CFAP74: variants seen among roughly 807,000 people sequenced by gnomAD.
The protein encoded by CFAP74 is cilia- and flagella-associated protein 74.
Under a neutral mutation model 188.9 loss-of-function variants are expected in CFAP74, and 124 were observed. The observed-to-expected ratio is 0.66, with a 90% CI of 0.57 to 0.76. The LOEUF is 0.76. Ranked by LOEUF, CFAP74 falls within the 30% of genes least tolerant of loss-of-function variation. The pLI is 0.00. For missense variants in CFAP74, 2,198 were observed against 2,165.2 expected, an observed-to-expected ratio of 1.02 and a Z score of -0.30; for synonymous variants, 956 against 916.7, an observed-to-expected ratio of 1.04 and a Z score of -0.77.
chr1:1,926,102 G>A (rs1257528285), intron 32 of CFAP74, 126 bp downstream of exon 32: 2 of 1,416,668 alleles, frequency 1.4e-6, no homozygotes, highest in East Asian at 5.0e-5. Flanking sequence ...TGGGGGCCAG[G>A]CTGCTCGCAG....
Position 1,946,308 on chromosome 1 carries a change from A to C in CFAP74, c.2364+9T>G. On this transcript the variant is annotated intron_variant, in intron 20 of 38. Coordinates refer to ENST00000682832, the MANE Select transcript of CFAP74 (RefSeq NM_001304360.2). ...GGTGTGTGCGTGGCGTGGCAGCAGG[A>C]ATACTCACCGTGGGGCACTGGGGGT... 1 of 1,533,258 alleles carries C rather than the reference A, an allele frequency of 6.5e-7. No individual in the cohort carries two copies. Among genetic ancestry groups the C allele is most frequent in the East Asian group, 2.4e-5 (1 of 40,850 alleles). The allele number at this position is 1,533,258 out of a possible 1,614,324, so 95.0% of individuals were successfully genotyped here. A position where few individuals can be genotyped will look rare whatever the true frequency, so the allele number is the denominator to read the frequency against.
chr1:1,946,213 C>T, intron 20 of CFAP74, 104 bp downstream of exon 20: 6 of 1,386,660 alleles, frequency 4.3e-6, no homozygotes, highest in Non-Finnish European at 5.7e-6. Context: ...ACTGGCCATC[C>T]CTGCGTGGGC....
Position 1,922,053 on chromosome 1 carries a change from TG to T in CFAP74, c.*233del. 1 of 538,710 alleles carries T rather than the reference TG, an allele frequency of 1.9e-6. No homozygotes were observed. The allele number at this position is 538,710 out of a possible 1,614,324, so 33.4% of individuals were successfully genotyped here. On this transcript the variant is annotated 3_prime_UTR_variant, in exon 39 of 39. Transcript: ENST00000682832. The stretch of plus-strand genomic sequence containing the variant: ...TGGCTAGGATGGCTGAGGGCTGGCC[TG>T]GCCTTCTCGCTGCTTCTGAGTCTGG...
chr1:1,968,690 T>C lies in CFAP74; in HGVS notation c.1190A>G (p.Asn397Ser). 6.2e-7 allele frequency: 1 copy of C among 1,614,108 alleles called. No individual in the cohort carries two copies. Among genetic ancestry groups the C allele is most frequent in the Non-Finnish European group, 8.5e-7 (1 of 1,179,992 alleles). Residue 397 changes from asparagine to serine, a missense_variant, in exon 11 of 39, where the codon AAC becomes AGC. Coordinates refer to ENST00000682832, the MANE Select transcript of CFAP74 (RefSeq NM_001304360.2). This position sits in a 1 kb window ranked among gnomAD's most constrained non-coding sequence, Gnocchi z 4.3. Reference protein sequence around the residue: ...HRLTLRDKTWNYISDFCKKTT... With the variant: ...HRLTLRDKTWSYISDFCKKTT... ...CTTCTTGCAAAAGTCAGAAATGTAG[T>C]TCCAGGTCTTGTCCCTCAGGGTCAG...
intron 18 of CFAP74, among the ~76,000 whole-genome samples, chr1:1,948,075 A>T (rs975681019): frequency 6.6e-6 from 1 of 151,818 alleles, no homozygotes; most frequent in African/African-American, 2.4e-5. Context: ...GTTTCACCAT[A>T]TCGGCCAGAC....
intron 16 of CFAP74, 131 bp downstream of exon 16, chr1:1,958,989 C>G (rs1297356674): frequency 1.7e-5 from 11 of 649,192 alleles, no homozygotes; most frequent in Non-Finnish European, 2.7e-5. Flanking sequence ...GGGCTCAGCC[C>G]CTGGTGAAGA....
chr1:1,935,065 G>A (rs1348219153), intron 25 of CFAP74, among the ~76,000 whole-genome samples: 4 of 84,606 alleles, frequency 4.7e-5, no homozygotes. Context: ...GGGTACACAC[G>A]TGTGTACGTG....
At chr1:1,939,534 C>T in intron 24 of CFAP74, 60 bp downstream of exon 24, 1 of 1,475,244 alleles carries the variant, frequency 6.8e-7, no homozygotes, top group South Asian at 1.2e-5. Flanking sequence ...GCCGCTGCAT[C>T]CTGTCCCCAG....
intron 6 of CFAP74, among the ~76,000 whole-genome samples, chr1:1,981,289 C>T (rs1226049537): frequency 6.6e-6 from 1 of 152,206 alleles, no homozygotes; most frequent in Non-Finnish European, 1.5e-5. Context: ...AAAGGAGTCA[C>T]CACATTGGCC....
rs568569740 is a variant in CFAP74, at chr1:1,985,416, G to A, written c.470C>T (p.Ser157Leu). ...CTCCTTCAGCACGGCCTCAGTCCTCGACTGCAGGTCTCTCTCGTTCTCCAG... is the reference window on the plus strand; with the variant it reads ...CTCCTTCAGCACGGCCTCAGTCCTCAACTGCAGGTCTCTCTCGTTCTCCAG... ...AELENERDLQ[S>L]RTEAVLKESE... Residue 157 changes from serine (S) to leucine (L), a missense_variant, in exon 6 of 39, where the codon TCG (serine) becomes TTG (leucine). Ser to Leu is a moderately radical substitution (Grantham distance 145). Transcript: ENST00000682832. 5 of 1,614,068 alleles carry A rather than the reference G, an allele frequency of 3.1e-6. No homozygotes were observed. Among genetic ancestry groups the A allele is most frequent in the East Asian group, 2.2e-5 (1 of 44,884 alleles).
intron 1 of CFAP74, among the ~76,000 whole-genome samples, chr1:1,991,835 C>A (rs6662056): frequency 6.6e-5 from 10 of 151,658 alleles, no homozygotes; most frequent in South Asian, 2.1e-4. Flanking sequence ...GTCAGGAGAT[C>A]GAGACTATCC....
chr1:1,971,946 A>C, intron 9 of CFAP74, 34 bp downstream of exon 9: 1 of 1,539,536 alleles, frequency 6.5e-7, no homozygotes, highest in Non-Finnish European at 8.9e-7. Flanking sequence ...GCAGGGCGCC[A>C]AGGGAGAGGC....
chr1:1,972,235 C>A (rs1656137009), intron 8 of CFAP74, among the ~76,000 whole-genome samples, 153 bp from the exon 9 acceptor site: 1 of 152,234 alleles, frequency 6.6e-6, no homozygotes, highest in East Asian at 1.9e-4. Context: ...CATGCACCAC[C>A]ACAAACGGCC....
chr1:1,998,171 C>G (rs904879268), intron 1 of CFAP74, among the ~76,000 whole-genome samples: 1 of 151,754 alleles, frequency 6.6e-6, no homozygotes, highest in Non-Finnish European at 1.5e-5. Flanking sequence ...CCAGCTACTT[C>G]GGAGGCTGAG....
intron 25 of CFAP74, among the ~76,000 whole-genome samples, chr1:1,935,867 T>TACACACACACACACACACACACAC (rs35582265): frequency 6.5e-4 from 96 of 147,880 alleles, no homozygotes; most frequent in African/African-American, 2.3e-3. Flanking sequence ...TTTTCAGCAC[T>TACACACACACACACACACACACAC]ACACACACAC....
intron 18 of CFAP74, chr1:1,955,226 G>C (rs980530527): frequency 7.8e-7 from 1 of 1,289,860 alleles, no homozygotes; most frequent in African/African-American, 1.5e-5. Flanking sequence ...GAGAAGCAAG[G>C]AGGAGACGCA....
chr1:2,003,199 A>G (rs1658288185), intron 1 of CFAP74, among the ~76,000 whole-genome samples: 1 of 152,168 alleles, frequency 6.6e-6, no homozygotes, highest in Admixed American at 6.6e-5. Flanking sequence ...ATATCAGTCC[A>G]TTTCTTTTCA....
rs138541854 is a variant in CFAP74 at position 1,973,151 on chromosome 1, C to CT, written c.675-105dup. On this transcript the variant is annotated intron_variant, in intron 7 of 38. Coordinates refer to ENST00000682832, the MANE Select transcript of CFAP74 (RefSeq NM_001304360.2). The surrounding 1 kb of genome is among the most constrained non-coding windows in gnomAD (Gnocchi z 6.2). ...TCGTGTCCCAGAGACGCCGTGGGCC[C>CT]TTTCGCTCAGCTCTGTCCCGCACAG... 1,280 of 793,442 alleles carry CT rather than the reference C, an allele frequency of 1.6e-3. 5 individuals are homozygous for CT. In the African/African-American group the frequency reaches 0.02, roughly 12 times the overall value. 49.2% of individuals were successfully genotyped at this position (793,442 alleles called of 1,614,324 possible). A position where few individuals can be genotyped will look rare whatever the true frequency, so the allele number is the denominator to read the frequency against.
chr1:1,989,783 C>T (rs531762039), intron 2 of CFAP74, among the ~76,000 whole-genome samples: 11 of 152,224 alleles, frequency 7.2e-5, no homozygotes, highest in East Asian at 1.9e-4. Flanking sequence ...AATCTTGACA[C>T]GCACTAACTT....
Sources: gnomAD v4.1 joint callset for allele counts (sites outside exome capture counted in the v4.1 genomes callset) on GRCh38, gnomAD v4.1.1 for gene constraint, Gnocchi (gnomAD v3.1) non-coding constraint, MANE v1.5 for transcripts, NCBI Gene and HGNC (gene_info 2026-07-23, HGNC 2026-07-21) for gene names.